GALNT17: variants seen among roughly 807,000 people sequenced by gnomAD.
GALNT17 encodes the protein UDP-GalNAc:polypeptide N-acetylgalactosaminyltransferase-like 3.
In GALNT17, 29 loss-of-function variants were observed where a neutral mutation model predicts 63.7. That is an observed-to-expected ratio of 0.46 (90% CI 0.34 to 0.62). The LOEUF is 0.62. Ranked by LOEUF, GALNT17 falls within the 20% of genes least tolerant of loss-of-function variation. The probability of loss-of-function intolerance (pLI) is 0.01; values close to 1 mark genes in which losing one functional copy is unlikely to be tolerated. For missense variants in GALNT17, 603 were observed against 799.6 expected (o/e 0.75, Z 2.97); for synonymous variants, 305 against 318.3 (o/e 0.96, Z 0.45).
At chr7:71,207,317 C>T (rs764889127) in intron 1 of GALNT17, among the ~76,000 whole-genome samples, 4 of 152,126 alleles carry the variant, frequency 2.6e-5, no homozygotes, top group Non-Finnish European at 2.9e-5. Context: ...CTTCGTTGTC[C>T]TACCTTATCT....
At chr7:71,711,909 C>A in intron 10 of GALNT17, 109 bp from the exon 11 acceptor site, 1 of 1,229,298 alleles carries the variant, frequency 8.1e-7, no homozygotes. Context: ...TTTTCTTTTT[C>A]TCTTTGTCAT....
At chr7:71,476,564 G>A (rs904478174) in intron 5 of GALNT17, among the ~76,000 whole-genome samples, 1 of 152,060 alleles carries the variant, frequency 6.6e-6, no homozygotes, top group African/African-American at 2.4e-5. Context: ...AAGGTATGGA[G>A]TGTGGCATTC....
intron 7 of GALNT17, among the ~76,000 whole-genome samples, chr7:71,666,091 C>T (rs757252670): frequency 2.6e-5 from 4 of 152,056 alleles, no homozygotes; most frequent in South Asian, 4.1e-4. Flanking sequence ...GAGTGTCATG[C>T]GGTAGTTGTA....
chr7:71,700,056 C>G (rs1206244240), intron 9 of GALNT17, among the ~76,000 whole-genome samples: 1 of 151,938 alleles, frequency 6.6e-6, no homozygotes, highest in Non-Finnish European at 1.5e-5. Flanking sequence ...GTTTGGGAGG[C>G]CAAGGCGGGC....
chr7:71,666,901 G>A (rs1790993975), intron 7 of GALNT17, among the ~76,000 whole-genome samples: 1 of 152,186 alleles, frequency 6.6e-6, no homozygotes, highest in South Asian at 2.1e-4. Context: ...TGGATATAAA[G>A]GGTTGGCTGT....
intron 1 of GALNT17, among the ~76,000 whole-genome samples, chr7:71,285,801 G>T (rs1306159556): frequency 1.3e-5 from 2 of 152,178 alleles, no homozygotes; most frequent in Non-Finnish European, 2.9e-5. Context: ...AGAATTGCAA[G>T]AAATAAATGT....
At chr7:71,596,173 G>A (rs1223613449) in intron 6 of GALNT17, among the ~76,000 whole-genome samples, 1 of 152,012 alleles carries the variant, frequency 6.6e-6, no homozygotes, top group African/African-American at 2.4e-5. Context: ...CAAGTAGCTG[G>A]GATTACAGGT....
chr7:71,317,394 G>A (rs1468273270), intron 1 of GALNT17, among the ~76,000 whole-genome samples: 1 of 152,192 alleles, frequency 6.6e-6, no homozygotes, highest in Admixed American at 6.6e-5. Context: ...TGTTGCAGAC[G>A]TTGATTCTAC....
At chr7:71,453,069 A>C (rs1317160280) in intron 5 of GALNT17, among the ~76,000 whole-genome samples, 1 of 152,154 alleles carries the variant, frequency 6.6e-6, no homozygotes, top group Non-Finnish European at 1.5e-5. Context: ...AGGGTAAGAG[A>C]CATGCCAACA....
intron 9 of GALNT17, among the ~76,000 whole-genome samples, chr7:71,708,021 G>C (rs1791744243): frequency 6.6e-6 from 1 of 152,196 alleles, no homozygotes; most frequent in South Asian, 2.1e-4. Flanking sequence ...AGCATTTGTT[G>C]TTGTACATAG....
At chr7:71,369,773 T>C (rs895935248) in intron 2 of GALNT17, among the ~76,000 whole-genome samples, 1 of 141,954 alleles carries the variant, frequency 7.0e-6, no homozygotes, top group East Asian at 2.1e-4. Context: ...GATCGCACCA[T>C]TGCGCTCCAG....
chr7:71,653,864 C>A (rs567916021), intron 6 of GALNT17, among the ~76,000 whole-genome samples: 1 of 152,236 alleles, frequency 6.6e-6, no homozygotes, highest in African/African-American at 2.4e-5. Context: ...TCCTCCAGAC[C>A]CCTTGGGAAG....
chr7:71,629,239 C>G (rs1447399808), intron 6 of GALNT17, among the ~76,000 whole-genome samples: 4 of 152,014 alleles, frequency 2.6e-5, no homozygotes, highest in African/African-American at 9.7e-5. Context: ...TAGGGGAGGC[C>G]AGGCAGGAGG....
At chr7:71,560,166 C>G (rs2116851135) in intron 5 of GALNT17, among the ~76,000 whole-genome samples, 1 of 138,048 alleles carries the variant, frequency 7.2e-6, no homozygotes, top group Non-Finnish European at 1.5e-5. Flanking sequence ...TGCGGTCCAG[C>G]CCAGGGGACA....
At chr7:71,445,626 G>A (rs1401338019) in intron 5 of GALNT17, among the ~76,000 whole-genome samples, 3 of 152,170 alleles carry the variant, frequency 2.0e-5, no homozygotes, top group African/African-American at 7.2e-5. Context: ...GAAGAAACAG[G>A]CTGCAAGGTA....
chr7:71,158,334 A>G (rs557141855), intron 1 of GALNT17, among the ~76,000 whole-genome samples: 1 of 151,188 alleles, frequency 6.6e-6, no homozygotes, highest in Non-Finnish European at 1.5e-5. Context: ...TTGTAGTGTC[A>G]CTGGCTGTGC....
At chr7:71,443,728 C>CTT (rs58018182) in intron 5 of GALNT17, among the ~76,000 whole-genome samples, 25 of 145,118 alleles carry the variant, frequency 1.7e-4, no homozygotes, top group South Asian at 1.3e-3. Flanking sequence ...TGAGGTGTTC[C>CTT]TTTTTTTTTT....
chr7:71,694,199 G>A (rs959976391), intron 9 of GALNT17, among the ~76,000 whole-genome samples: 1 of 151,960 alleles, frequency 6.6e-6, no homozygotes, highest in Non-Finnish European at 1.5e-5. Flanking sequence ...GAATAGCACA[G>A]GAAAGACCCA....
At chr7:71,227,269 C>A (rs10275428) in intron 1 of GALNT17, among the ~76,000 whole-genome samples, 1 of 147,870 alleles carries the variant, frequency 6.8e-6, no homozygotes, top group Non-Finnish European at 1.5e-5. Context: ...GAGACTGAGG[C>A]GGGAGAATTG....
Sources: allele counts gnomAD v4.1 joint callset (sites outside exome capture counted in the v4.1 genomes callset), GRCh38; gene constraint gnomAD v4.1.1; transcripts MANE v1.5; gene names NCBI Gene and HGNC (gene_info 2026-07-23, HGNC 2026-07-21).